BMPR1B: variants seen among roughly 807,000 people sequenced by gnomAD.
The protein encoded by BMPR1B is bone morphogenetic protein receptor type 1B.
Under a neutral mutation model 59.1 loss-of-function variants are expected in BMPR1B, and 12 were observed. The observed-to-expected ratio is 0.20, with a 90% CI of 0.13 to 0.33. The LOEUF is 0.33. BMPR1B is among the 10% of genes least tolerant of loss of function. The pLI is 1.00. For synonymous variants in BMPR1B, 237 were observed against 207.3 expected, an observed-to-expected ratio of 1.14 and a Z score of -1.23; for missense variants, 550 against 610.9, an observed-to-expected ratio of 0.90 and a Z score of 1.05.
chr4:94,930,280 TAG>T (rs2149033163), intron 2 of BMPR1B, among the ~76,000 whole-genome samples: 1 of 152,212 alleles, frequency 6.6e-6, no homozygotes, highest in East Asian at 1.9e-4. Context: ...TGGCATTGCT[TAG>T]ATCTTCTGGT....
chr4:94,821,648 T>A (rs1024760073), intron 1 of BMPR1B, among the ~76,000 whole-genome samples: 1 of 152,156 alleles, frequency 6.6e-6, no homozygotes, highest in Non-Finnish European at 1.5e-5. Context: ...GAATACCTCC[T>A]ATTTGTTAGG....
intron 3 of BMPR1B, among the ~76,000 whole-genome samples, chr4:95,093,210 A>G (rs149993818): frequency 7.3e-4 from 111 of 152,078 alleles, no homozygotes; most frequent in African/African-American, 2.6e-3. Flanking sequence ...TTGTTCTTAT[A>G]TTGTTGCTTT....
chr4:95,079,337 G>A (rs1489656922), intron 3 of BMPR1B, among the ~76,000 whole-genome samples: 2 of 152,146 alleles, frequency 1.3e-5, no homozygotes, highest in African/African-American at 4.8e-5. Context: ...TCACGTGCGT[G>A]CCAGGTGCCT....
chr4:94,837,600 A>C (rs1413214886), intron 1 of BMPR1B, among the ~76,000 whole-genome samples: 1 of 141,708 alleles, frequency 7.1e-6, no homozygotes, highest in Non-Finnish European at 1.6e-5. Context: ...ATTTTTGTAC[A>C]TTGATTTTGT....
chr4:95,013,203 C>T (rs1305195603), intron 3 of BMPR1B, among the ~76,000 whole-genome samples: 1 of 151,088 alleles, frequency 6.6e-6, no homozygotes, highest in African/African-American at 2.5e-5. Context: ...CCAACAATGA[C>T]TATATATCTG....
intron 6 of BMPR1B, among the ~76,000 whole-genome samples, chr4:95,121,373 G>A (rs1309207947): frequency 6.6e-6 from 1 of 152,170 alleles, no homozygotes; most frequent in Non-Finnish European, 1.5e-5. Flanking sequence ...TTTGATCTGG[G>A]CATGCAGTGT....
chr4:95,087,953 T>G (rs1729711514), intron 3 of BMPR1B, among the ~76,000 whole-genome samples: 3 of 152,174 alleles, frequency 2.0e-5, no homozygotes, highest in Admixed American at 1.3e-4. Flanking sequence ...AACTTCAAAG[T>G]AGTGTGCAAT....
chr4:94,924,288 A>G (rs1369368245), intron 2 of BMPR1B, among the ~76,000 whole-genome samples: 1 of 152,086 alleles, frequency 6.6e-6, no homozygotes. Flanking sequence ...TCTAAGCAAA[A>G]CTTACTGTAC....
At chr4:94,945,087 CAG>C (rs1406242305) in intron 2 of BMPR1B, among the ~76,000 whole-genome samples, 1 of 152,116 alleles carries the variant, frequency 6.6e-6, no homozygotes, top group Non-Finnish European at 1.5e-5. Context: ...CATAACACAA[CAG>C]GGGAAAACAG....
At chr4:95,101,482 A>T (rs914808204) in intron 3 of BMPR1B, among the ~76,000 whole-genome samples, 2 of 152,092 alleles carry the variant, frequency 1.3e-5, no homozygotes, top group African/African-American at 2.4e-5. Context: ...GCCTCATGCT[A>T]TTTTAATATC....
At chr4:95,048,158 G>A (rs1026993847) in intron 3 of BMPR1B, among the ~76,000 whole-genome samples, 5 of 152,082 alleles carry the variant, frequency 3.3e-5, no homozygotes, top group Admixed American at 1.3e-4. Flanking sequence ...GTATTCCATG[G>A]TGTATATGTA....
intron 2 of BMPR1B, among the ~76,000 whole-genome samples, chr4:94,949,905 T>C (rs564762838): frequency 2.6e-4 from 40 of 152,248 alleles, no homozygotes; most frequent in African/African-American, 9.6e-4. Context: ...ACACTCCTAC[T>C]AACAGTGTAA....
chr4:94,930,642 G>A (rs1176550647), intron 2 of BMPR1B, among the ~76,000 whole-genome samples: 2 of 151,988 alleles, frequency 1.3e-5, no homozygotes, highest in Non-Finnish European at 2.9e-5. Context: ...TACTTTCAAG[G>A]AACTCACTGC....
At chr4:94,878,507 A>G (rs998105078) in intron 2 of BMPR1B, among the ~76,000 whole-genome samples, 2 of 152,218 alleles carry the variant, frequency 1.3e-5, no homozygotes, top group Non-Finnish European at 2.9e-5. Context: ...CTTTCTTGTT[A>G]CACTGGCCCA....
intron 2 of BMPR1B, among the ~76,000 whole-genome samples, chr4:94,949,298 T>C (rs367890393): frequency 3.9e-5 from 5 of 129,700 alleles, no homozygotes; most frequent in African/African-American, 1.5e-4. Flanking sequence ...GCAAAGGACA[T>C]GAACTCATTC....
At chr4:94,828,084 C>T (rs963063973) in intron 1 of BMPR1B, among the ~76,000 whole-genome samples, 2 of 152,124 alleles carry the variant, frequency 1.3e-5, no homozygotes, top group Non-Finnish European at 2.9e-5. Context: ...ATTCCATTGC[C>T]TTACACATTT....
At chr4:94,919,290 T>C (rs556588580) in intron 2 of BMPR1B, among the ~76,000 whole-genome samples, 59 of 152,314 alleles carry the variant, frequency 3.9e-4, no homozygotes, top group African/African-American at 1.4e-3. Flanking sequence ...GGATATGGAT[T>C]TGAGCTGAGA....
chr4:94,893,814 A>G (rs951155800), intron 2 of BMPR1B, among the ~76,000 whole-genome samples: 2 of 152,044 alleles, frequency 1.3e-5, no homozygotes, highest in African/African-American at 4.8e-5. Flanking sequence ...GAAATGGTGG[A>G]GAGAACCCAC....
At chr4:94,959,929 T>C (rs565562417) in intron 2 of BMPR1B, among the ~76,000 whole-genome samples, 15 of 152,170 alleles carry the variant, frequency 9.9e-5, no homozygotes, top group Non-Finnish European at 1.9e-4. Context: ...GTTCAAAGAT[T>C]TAAATGTTAA....
Sources: allele counts gnomAD v4.1 joint callset (sites outside exome capture counted in the v4.1 genomes callset), GRCh38; gene constraint gnomAD v4.1.1; transcripts MANE v1.5; gene names NCBI Gene and HGNC (gene_info 2026-07-23, HGNC 2026-07-21).